TRMT11: variants seen among roughly 807,000 people sequenced by gnomAD.
The protein encoded by TRMT11 is tRNA (guanine(10)-N(2))-methyltransferase TRMT11.
In TRMT11, 53 loss-of-function variants were observed where a neutral mutation model predicts 62.8. The observed-to-expected ratio is 0.84, with a 90% CI of 0.68 to 1.06. The LOEUF (loss-of-function observed/expected upper bound fraction) is 1.06, where lower values mean the gene tolerates loss of function less well. TRMT11 is among the 50% of genes least tolerant of loss of function. The probability of loss-of-function intolerance (pLI) is 0.00; values close to 1 mark genes in which losing one functional copy is unlikely to be tolerated. For synonymous variants in TRMT11, 188 were observed against 190.3 expected (o/e 0.99, Z 0.10); for missense variants, 556 against 553.4 (o/e 1.00, Z -0.05).
chr6:126,121,744 C>T (rs1382233902), intron 21 of TRMT11, among the ~76,000 whole-genome samples: 1 of 152,012 alleles, frequency 6.6e-6, no homozygotes, highest in Non-Finnish European at 1.5e-5. Flanking sequence ...ATGTCCAGGA[C>T]AATTTATGTT....
chr6:126,097,395 A>G (rs1777352783), intron 17 of TRMT11, among the ~76,000 whole-genome samples: 1 of 152,180 alleles, frequency 6.6e-6, no homozygotes, highest in Non-Finnish European at 1.5e-5. Context: ...ATTATTTTAA[A>G]TAATACTCAA....
intron 17 of TRMT11, among the ~76,000 whole-genome samples, chr6:126,105,536 C>A (rs145275237): frequency 2.8e-4 from 43 of 152,090 alleles, no homozygotes; most frequent in Middle Eastern, 3.4e-3. Flanking sequence ...CACAGCTCCC[C>A]CAGTTGTTCG....
chr6:126,052,855 T>C (rs1287035749), intron 16 of TRMT11, among the ~76,000 whole-genome samples: 1 of 152,186 alleles, frequency 6.6e-6, no homozygotes, highest in Non-Finnish European at 1.5e-5. Context: ...GAGAACCATG[T>C]TTTTGCCTCC....
chr6:126,036,900 G>A (rs1775294452), intron 12 of TRMT11, among the ~76,000 whole-genome samples: 1 of 152,074 alleles, frequency 6.6e-6, no homozygotes, highest in Non-Finnish European at 1.5e-5. Context: ...TCTACCTGTG[G>A]AGTCATCTGT....
At chr6:126,156,371 G>A (rs974749619) in intron 21 of TRMT11, among the ~76,000 whole-genome samples, 1 of 152,158 alleles carries the variant, frequency 6.6e-6, no homozygotes, top group African/African-American at 2.4e-5. Flanking sequence ...TTCTCTGTGG[G>A]GGCAACACCC....
At chr6:126,181,325 A>G (rs900082560) in intron 1 of TRMT11, among the ~76,000 whole-genome samples, 2 of 152,192 alleles carry the variant, frequency 1.3e-5, no homozygotes, top group Non-Finnish European at 2.9e-5. Context: ...AACATTCATA[A>G]TCCCAAACCC....
At chr6:126,032,338 C>T (rs1465748803) in intron 12 of TRMT11, among the ~76,000 whole-genome samples, 2 of 152,138 alleles carry the variant, frequency 1.3e-5, no homozygotes, top group African/African-American at 4.8e-5. Flanking sequence ...CTTTACATAA[C>T]CTTTATGTCA....
chr6:126,234,943 G>C, the TRMT11 span, among the ~76,000 whole-genome samples: 1 of 152,152 alleles, frequency 6.6e-6, no homozygotes, highest in Admixed American at 6.5e-5. Context: ...AAGGATGGCT[G>C]TCTTCTTTGG....
the TRMT11 span, among the ~76,000 whole-genome samples, chr6:126,214,413 G>A: frequency 6.6e-6 from 1 of 151,782 alleles, no homozygotes. Flanking sequence ...CAATCTTGTT[G>A]CTTGTTATTA....
intron 12 of TRMT11, among the ~76,000 whole-genome samples, chr6:126,024,036 C>T (rs1243292568): frequency 1.3e-5 from 2 of 152,178 alleles, no homozygotes; most frequent in African/African-American, 2.4e-5. Context: ...ACCCTGATTG[C>T]TTTGTAAGCT....
At chr6:126,257,698 A>C in the TRMT11 span, among the ~76,000 whole-genome samples, 2 of 152,132 alleles carry the variant, frequency 1.3e-5, no homozygotes, top group Non-Finnish European at 2.9e-5. Context: ...GGCATATCCT[A>C]GCTTTATTAA....
chr6:126,189,456 T>C (rs1778568129), intron 1 of TRMT11, among the ~76,000 whole-genome samples: 1 of 152,180 alleles, frequency 6.6e-6, no homozygotes, highest in South Asian at 2.1e-4. Context: ...TAGGCAAAAA[T>C]ATCTTGCATT....
At chr6:126,008,371 C>A in intron 7 of TRMT11, 21 bp from the exon 8 acceptor site, 1 of 1,610,712 alleles carries the variant, frequency 6.2e-7, no homozygotes, top group South Asian at 1.1e-5. Context: ...GTTAACAGGT[C>A]AAAATTGTGT....
At chr6:125,988,220 T>C (rs184106390) in intron 1 of TRMT11, among the ~76,000 whole-genome samples, 14 of 152,320 alleles carry the variant, frequency 9.2e-5, no homozygotes, top group African/African-American at 3.1e-4. Context: ...AATTAGAAGA[T>C]AATTAATTGG....
chr6:126,134,116 C>T (rs991527577), intron 21 of TRMT11, among the ~76,000 whole-genome samples: 2 of 151,674 alleles, frequency 1.3e-5, no homozygotes, highest in African/African-American at 4.8e-5. Flanking sequence ...AATTAGTAAA[C>T]AAGTAACAAA....
At chr6:126,098,194 T>C (rs1777360822) in intron 17 of TRMT11, among the ~76,000 whole-genome samples, 1 of 152,130 alleles carries the variant, frequency 6.6e-6, no homozygotes, top group Non-Finnish European at 1.5e-5. Context: ...GTCCACTCAC[T>C]TCCCACCTCT....
downstream of TRMT11, among the ~76,000 whole-genome samples, chr6:126,205,156 G>A (rs1035475589): frequency 1.3e-5 from 2 of 152,156 alleles, no homozygotes; most frequent in Non-Finnish European, 2.9e-5. Flanking sequence ...GAGAGGAGAT[G>A]GAATAGGAAA....
intron 21 of TRMT11, among the ~76,000 whole-genome samples, chr6:126,137,613 C>G (rs908569098): frequency 6.6e-5 from 10 of 151,788 alleles, no homozygotes; most frequent in African/African-American, 2.4e-4. Flanking sequence ...CATTCCATTG[C>G]TGGGTATATG....
At chr6:126,129,639 C>T (rs1423917897) in intron 21 of TRMT11, among the ~76,000 whole-genome samples, 2 of 152,042 alleles carry the variant, frequency 1.3e-5, no homozygotes, top group Non-Finnish European at 2.9e-5. Flanking sequence ...CCTCCTGCTT[C>T]AGCCTCCTAA....
Sources: gnomAD v4.1 joint callset for allele counts (sites outside exome capture counted in the v4.1 genomes callset) on GRCh38, gnomAD v4.1.1 for gene constraint, MANE v1.5 for transcripts, NCBI Gene and HGNC (gene_info 2026-07-23, HGNC 2026-07-21) for gene names.